CDH11: variants seen among roughly 807,000 people sequenced by gnomAD.
CDH11 encodes the protein cadherin 11, also known as cadherin-11.
In CDH11, 11 loss-of-function variants were observed where a neutral mutation model predicts 67.8. That is an observed-to-expected ratio of 0.16 (90% CI 0.10 to 0.27). The LOEUF (loss-of-function observed/expected upper bound fraction) is 0.27. Ranked by LOEUF, CDH11 falls within the 10% of genes least tolerant of loss-of-function variation. The pLI is 1.00. For missense variants in CDH11, 847 were observed against 1,031.2 expected (o/e 0.82, Z 2.45); for synonymous variants, 419 against 400.0 (o/e 1.05, Z -0.57).
chr16:65,022,175 C>T (rs2073441137), intron 2 of CDH11, among the ~76,000 whole-genome samples: 1 of 151,850 alleles, frequency 6.6e-6, no homozygotes, highest in South Asian at 2.1e-4. Context: ...TCTGAGAAAC[C>T]TTAAAAGGAA....
intron 11 of CDH11, among the ~76,000 whole-genome samples, chr16:64,953,146 G>T (rs902590983): frequency 6.6e-6 from 1 of 151,736 alleles, no homozygotes; most frequent in East Asian, 1.9e-4. Context: ...ATTTTTTGTT[G>T]TTTTCTGTTT....
intron 7 of CDH11, chr16:64,987,919 T>C (rs1202743048): frequency 2.6e-6 from 1 of 386,310 alleles, no homozygotes; most frequent in Non-Finnish European, 4.6e-6. Flanking sequence ...GGAAAACATT[T>C]AAGAACTAAC....
At chr16:65,054,486 T>A (rs1213100216) in intron 1 of CDH11, among the ~76,000 whole-genome samples, 1 of 152,140 alleles carries the variant, frequency 6.6e-6, no homozygotes, top group Non-Finnish European at 1.5e-5. Context: ...CAAGATTGCA[T>A]TTCCCCTACC....
intron 1 of CDH11, among the ~76,000 whole-genome samples, chr16:65,106,314 G>T (rs2075065156): frequency 6.6e-6 from 1 of 152,098 alleles, no homozygotes; most frequent in Non-Finnish European, 1.5e-5. Flanking sequence ...TTGACCTGGT[G>T]GTCTACAGAT....
At chr16:64,961,467 T>A (rs965719342) in intron 11 of CDH11, among the ~76,000 whole-genome samples, 1 of 152,122 alleles carries the variant, frequency 6.6e-6, no homozygotes. Flanking sequence ...GGTTCTGAGA[T>A]CCCGGGATGC....
rs527750686 is a variant in CDH11 at position 65,043,191 on chromosome 16, C to T, written c.-173+10613G>A. ...TGGTACCTAGTACAGTGTTTAGCAT[C>T]CCATGAATAAGCATTCAGTGAAAAC... On this transcript the variant is annotated intron_variant, in intron 2 of 12. Transcript: ENST00000268603. Among the ~76,000 whole-genome samples the T allele has an allele frequency of 1.1e-4, 16 of 152,278 alleles. No homozygotes were observed. In the South Asian group the frequency reaches 3.3e-3, roughly 32 times the overall value.
At chr16:65,088,571 G>A (rs2074740464) in intron 1 of CDH11, among the ~76,000 whole-genome samples, 1 of 152,130 alleles carries the variant, frequency 6.6e-6, no homozygotes, top group Non-Finnish European at 1.5e-5. Flanking sequence ...TCAGTTGTAT[G>A]AATGAACTGT....
At chr16:65,086,150 T>C (rs1418911357) in intron 1 of CDH11, among the ~76,000 whole-genome samples, 1 of 152,266 alleles carries the variant, frequency 6.6e-6, no homozygotes, top group Non-Finnish European at 1.5e-5. Context: ...TTTCAGTCCT[T>C]GATATTCTCT....
chr16:65,014,351 G>A (rs1264751157), intron 2 of CDH11, among the ~76,000 whole-genome samples: 2 of 152,158 alleles, frequency 1.3e-5, no homozygotes, highest in Non-Finnish European at 2.9e-5. Context: ...TTTTTACAAT[G>A]TATTTTATTT....
At position 64,963,510 on chromosome 16, in the gene CDH11, G is replaced by C. The variant is rs144829340; in HGVS notation, c.1642+8069C>G. Among the ~76,000 whole-genome samples the C allele has an allele frequency of 2.2e-3, 342 of 152,252 alleles. 3 individuals carry two copies. The highest frequency in any genetic ancestry group is 7.5e-3 in the African/African-American group (313 of 41,542). ...TGATGATAATACCAGAAACAGAAGA[G>C]AGAAAGAAACAGAAGAACTATTTGA... is the stretch of plus-strand genomic sequence containing the variant. On this transcript the variant is annotated intron_variant, in intron 11 of 12. Coordinates refer to ENST00000268603, the MANE Select transcript of CDH11 (RefSeq NM_001797.4).
At chr16:65,080,947 C>A (rs955149834) in intron 1 of CDH11, among the ~76,000 whole-genome samples, 8 of 152,048 alleles carry the variant, frequency 5.3e-5, no homozygotes, top group African/African-American at 1.7e-4. Flanking sequence ...AATGGTAGTG[C>A]CCGAAATATC....
intron 2 of CDH11, among the ~76,000 whole-genome samples, chr16:65,036,389 C>T (rs1333965440): frequency 6.6e-6 from 1 of 152,052 alleles, no homozygotes; most frequent in Non-Finnish European, 1.5e-5. Flanking sequence ...GGATCTGGTA[C>T]TCTACCTGCT....
chr16:65,037,112 G>C (rs1008760461), intron 2 of CDH11, among the ~76,000 whole-genome samples: 1 of 152,094 alleles, frequency 6.6e-6, no homozygotes, highest in Non-Finnish European at 1.5e-5. Flanking sequence ...GGGAAAACCC[G>C]ATAGCTCAGG....
rs12933175 is a variant in CDH11 at position 65,028,491 on chromosome 16, C to G, written c.-172-23450G>C. Reference sequence around the variant, plus strand: ...TTAGAGTTGTTCTATCTATACTTGCCCTCTCCCCTCCAACACCCACACATA... The same window carrying G: ...TTAGAGTTGTTCTATCTATACTTGCGCTCTCCCCTCCAACACCCACACATA... On this transcript the variant is annotated intron_variant, in intron 2 of 12. Transcript: ENST00000268603. Among the ~76,000 whole-genome samples, 1,317 of 152,100 alleles carry G rather than the reference C, an allele frequency of 8.7e-3. 9 individuals are homozygous for G. The highest frequency in any genetic ancestry group is 0.024 in the Middle Eastern group (7 of 294).
chr16:65,118,921 C>T (rs8060978), intron 1 of CDH11: 1 of 152,160 alleles, frequency 6.6e-6, no homozygotes, highest in Non-Finnish European at 1.5e-5. Context: ...AGACTAAAAT[C>T]AGATTTGAAG....
At chr16:65,067,014 G>A (rs2074323361) in intron 1 of CDH11, among the ~76,000 whole-genome samples, 1 of 152,158 alleles carries the variant, frequency 6.6e-6, no homozygotes, top group East Asian at 1.9e-4. Flanking sequence ...GTATCCCAAA[G>A]GCTGTTGCAG....
At chr16:65,033,726 G>T (rs1167394735) in intron 2 of CDH11, among the ~76,000 whole-genome samples, 1 of 72,636 alleles carries the variant, frequency 1.4e-5, no homozygotes, top group African/African-American at 4.0e-5. Flanking sequence ...AACAGAGTGA[G>T]ACTCCATCTC....
intron 2 of CDH11, among the ~76,000 whole-genome samples, chr16:65,022,776 C>A (rs2073452822): frequency 6.6e-6 from 1 of 152,160 alleles, no homozygotes; most frequent in South Asian, 2.1e-4. Flanking sequence ...CTGAAAAAAA[C>A]AGAGTACCCA....
At position 65,121,837 on chromosome 16, in the gene CDH11, A is replaced by G; in HGVS notation, c.-298+43T>C. 1.4e-6 allele frequency: 1 copy of G among 701,614 alleles called. No homozygotes were observed. The highest frequency in any genetic ancestry group is 2.6e-6 in the Non-Finnish European group (1 of 384,466). The allele number at this position is 701,614 out of a possible 1,614,324, so 43.5% of individuals were successfully genotyped here. ...GAAAATCCTGCCCCCCATTCCAAGAAGCCCCAACCAGGCGAGAGGAAGGGA... is the reference window on the plus strand; with the variant it reads ...GAAAATCCTGCCCCCCATTCCAAGAGGCCCCAACCAGGCGAGAGGAAGGGA... On this transcript the variant is annotated intron_variant, in intron 1 of 12. Transcript: ENST00000268603. This position sits in a 1 kb window ranked among gnomAD's most constrained non-coding sequence, Gnocchi z 4.1.
Sources: gnomAD v4.1 joint callset for allele counts (sites outside exome capture counted in the v4.1 genomes callset) on GRCh38, gnomAD v4.1.1 for gene constraint, Gnocchi (gnomAD v3.1) non-coding constraint, MANE v1.5 for transcripts, NCBI Gene and HGNC (gene_info 2026-07-23, HGNC 2026-07-21) for gene names.